Variants in SOX8 observed in about 807,000 individuals in gnomAD.
The protein encoded by SOX8 is transcription factor SOX-8.
SOX8 carries 9 observed loss-of-function variants against 22.9 expected under a neutral mutation model. The observed-to-expected ratio is 0.39, with a 90% CI of 0.24 to 0.69. The LOEUF (loss-of-function observed/expected upper bound fraction) is 0.69, where lower values mean the gene tolerates loss of function less well. Among genes scored for constraint, SOX8 ranks in the 30% least tolerant of loss-of-function variants. The pLI, the probability that SOX8 is intolerant of heterozygous loss-of-function variation, is 0.43. For synonymous variants in SOX8, 416 were observed against 330.6 expected (o/e 1.26, Z -2.80); for missense variants, 734 against 699.4 (o/e 1.05, Z -0.56).
intron 2 of SOX8, among the ~76,000 whole-genome samples, chr16:984,445 G>A (rs943221633): frequency 6.6e-6 from 1 of 152,236 alleles, no homozygotes; most frequent in African/African-American, 2.4e-5. Flanking sequence ...GGCTGGGCCT[G>A]TCGGCTTCTT....
rs529012200 is a variant in SOX8 at position 984,921 on chromosome 16, C to T, written c.876C>T (p.Gly292=). ...VHEFDQYLPL[G]GPAPPEPGQA... is the part of the protein sequence containing the mutation. ...AGTTCGACCAGTACCTGCCCCTGGGCGGCCCCGCCCCACCCGAGCCGGGCC... is the reference window on the plus strand; with the variant it reads ...AGTTCGACCAGTACCTGCCCCTGGGTGGCCCCGCCCCACCCGAGCCGGGCC... The change falls in exon 3 of 3, where the codon GGC becomes GGT. Residue 292 remains glycine (G), a synonymous_variant. Transcript: ENST00000293894. 1.5e-3 allele frequency: 2,399 copies of T among 1,603,732 alleles called. 36 individuals are homozygous for T. The highest frequency in any genetic ancestry group is 2.4e-4 in the Non-Finnish European group (280 of 1,174,842).
At chr16:984,051 G>C (rs1596200402) in intron 2 of SOX8, 91 bp downstream of exon 2, 1 of 1,144,136 alleles carries the variant, frequency 8.7e-7, no homozygotes, top group East Asian at 2.9e-5. Context: ...ATGGTGGAGG[G>C]GGGCAGGCGC....
At position 986,057 on chromosome 16, in the gene SOX8, G is replaced by A. The variant is rs1267835947; in HGVS notation, c.*671G>A. 6.6e-6 allele frequency: 1 copy of A among 152,168 alleles called. No individual in the cohort carries two copies. Among genetic ancestry groups the A allele is most frequent in the Non-Finnish European group, 1.5e-5 (1 of 68,030 alleles). The allele number at this position is 152,168 out of a possible 1,614,324, so 9.4% of individuals were successfully genotyped here. On this transcript the variant is annotated 3_prime_UTR_variant, in exon 3 of 3. Coordinates refer to ENST00000293894, the MANE Select transcript of SOX8 (RefSeq NM_014587.5). ...TGAAAGCTGTTAAAGATGTATTTAT[G>A]TTCTGTGTTATTTTATCTTTAATTA...
rs1596201244 is a variant in SOX8, at chr16:985,125, C to T, written c.1080C>T (p.Ser360=). 3 of 1,599,548 alleles carry T rather than the reference C, an allele frequency of 1.9e-6. No individual in the cohort carries two copies. Among genetic ancestry groups the T allele is most frequent in the Non-Finnish European group, 2.6e-6 (3 of 1,175,886 alleles). The change falls in exon 3 of 3, where the codon TCC becomes TCT. Residue 360 remains serine (S), a synonymous_variant. Coordinates refer to ENST00000293894, the MANE Select transcript of SOX8 (RefSeq NM_014587.5). The part of the protein sequence containing the change: ...DQPRGSPDYG[S]CSGQSSATPA... ...CCCGAGGCTCGCCCGACTACGGTTCCTGCAGCGGCCAGTCCAGCGCCACCC... is the reference window on the plus strand; with the variant it reads ...CCCGAGGCTCGCCCGACTACGGTTCTTGCAGCGGCCAGTCCAGCGCCACCC...
In SOX8 at chr16:984,726, G is replaced by A. The variant is rs778698678; in HGVS notation, c.681G>A (p.Pro227=). Residue 227 remains proline, a synonymous_variant, in exon 3 of 3, where the codon CCG becomes CCA. Transcript: ENST00000293894. ...HTGQTHGPPT[P]PTTPKTELQQ... is the part of the protein sequence containing the mutation. ...GGCAGACCCACGGGCCGCCCACCCC[G>A]CCCACCACCCCCAAGACGGAGCTGC... The A allele has an allele frequency of 2.5e-4, 201 of 796,538 alleles. No individual in the cohort carries two copies. Among genetic ancestry groups the A allele is most frequent in the Non-Finnish European group, 3.5e-4 (180 of 511,044 alleles). The allele number at this position is 796,538 out of a possible 1,614,324, so 49.3% of individuals were successfully genotyped here.
chr16:984,770 C>A lies in SOX8; in HGVS notation c.725C>A (p.Pro242Gln). The A allele has an allele frequency of 1.9e-6, 3 of 1,606,404 alleles. No homozygotes were observed. The highest frequency in any genetic ancestry group is 2.5e-6 in the Non-Finnish European group (3 of 1,177,664). ...KTELQQAGAK[P>Q]ELKLEGRRPV... is the part of the protein sequence containing the mutation. Reference sequence around the variant, plus strand: ...GAGCTGCAGCAGGCGGGCGCCAAGCCGGAGCTGAAGCTGGAGGGACGCCGG... The same window carrying A: ...GAGCTGCAGCAGGCGGGCGCCAAGCAGGAGCTGAAGCTGGAGGGACGCCGG... The change falls in exon 3 of 3, where the codon CCG (proline) becomes CAG (glutamine). Residue 242 changes from proline (P) to glutamine (Q), a missense_variant. Transcript: ENST00000293894.
At chr16:984,254 C>T (rs141832839) in intron 2 of SOX8, among the ~76,000 whole-genome samples, 175 of 152,346 alleles carry the variant, frequency 1.1e-3, no homozygotes, top group African/African-American at 4.1e-3. Flanking sequence ...CTTCCCACAC[C>T]GAGCTGCTGC....
intron 1 of SOX8, 133 bp from the exon 2 acceptor site, chr16:983,595 C>G: frequency 2.7e-6 from 2 of 734,306 alleles, no homozygotes; most frequent in East Asian, 2.8e-5. Context: ...GGCTCCGGAG[C>G]GCACGGCAGG....
chr16:985,422 G>C lies in SOX8; in HGVS notation c.*36G>C, dbSNP rs11542180. 351,290 of 1,470,272 alleles carry C rather than the reference G, an allele frequency of 0.24. 43,831 individuals are homozygous for C. The highest frequency in any genetic ancestry group is 0.36 in the South Asian group (26,740 of 75,160). 91.1% of individuals were successfully genotyped at this position (1,470,272 alleles called of 1,614,324 possible). The stretch of plus-strand genomic sequence containing the variant: ...GCGGGGAGGGACTCGCAGGCGTCAG[G>C]GGGCAGCCTTGTCCCGGCCCAGTGT... On this transcript the variant is annotated 3_prime_UTR_variant, in exon 3 of 3. Transcript: ENST00000293894.
rs1007156256 is a variant in SOX8, at chr16:984,951, C to T, written c.906C>T (p.Ala302=). ...CCGCCCCACCCGAGCCGGGCCAGGC[C>T]TATGGGGGCGCCTACTTCCACGCCG... ...GGPAPPEPGQ[A]YGGAYFHAGA... The change falls in exon 3 of 3, where the codon GCC becomes GCT. Residue 302 remains alanine (A), a synonymous_variant. Transcript: ENST00000293894. 6.2e-7 allele frequency: 1 copy of T among 1,601,560 alleles called. No individual in the cohort carries two copies. Among genetic ancestry groups the T allele is most frequent in the Non-Finnish European group, 8.5e-7 (1 of 1,174,478 alleles).
rs1014498322 is a variant in SOX8 at position 986,046 on chromosome 16, G to T, written c.*660G>T. On this transcript the variant is annotated 3_prime_UTR_variant, in exon 3 of 3. Coordinates refer to ENST00000293894, the MANE Select transcript of SOX8 (RefSeq NM_014587.5). ...TGTGTTTCTTCTGAAAGCTGTTAAA[G>T]ATGTATTTATGTTCTGTGTTATTTT... The T allele has an allele frequency of 2.0e-5, 3 of 152,360 alleles. No homozygotes were observed. The highest frequency in any genetic ancestry group is 2.0e-4 in the Admixed American group (3 of 15,312). 9.4% of individuals were successfully genotyped at this position (152,360 alleles called of 1,614,324 possible). A position where few individuals can be genotyped will look rare whatever the true frequency, so the allele number is the denominator to read the frequency against.
rs768817313 is a variant in SOX8 at position 982,030 on chromosome 16, C to G, written c.108C>G (p.Pro36=). Residue 36 remains proline, a synonymous_variant, in exon 1 of 3, where the codon CCC becomes CCG. Transcript: ENST00000293894. ...EDSDSDAPPS[P]AGSEGLGRAG... ...CGGACTCGGACGCGCCGCCGTCTCC[C>G]GCCGGCTCCGAGGGCCTGGGCCGCG... The G allele has an allele frequency of 5.1e-6, 7 of 1,383,462 alleles. No individual in the cohort carries two copies. The highest frequency in any genetic ancestry group is 6.5e-6 in the Non-Finnish European group (7 of 1,069,400). 85.7% of individuals were successfully genotyped at this position (1,383,462 alleles called of 1,614,324 possible).
At position 986,256 on chromosome 16, in the gene SOX8, C is replaced by G. The variant is rs2073461185; in HGVS notation, c.*870C>G. The G allele has an allele frequency of 6.6e-6, 1 of 152,236 alleles. No individual in the cohort carries two copies. The highest frequency in any genetic ancestry group is 6.5e-5 in the Admixed American group (1 of 15,290). The allele number at this position is 152,236 out of a possible 1,614,324, so 9.4% of individuals were successfully genotyped here. A position where few individuals can be genotyped will look rare whatever the true frequency, so the allele number is the denominator to read the frequency against. On this transcript the variant is annotated 3_prime_UTR_variant, in exon 3 of 3. Coordinates refer to ENST00000293894, the MANE Select transcript of SOX8 (RefSeq NM_014587.5). ...GGAGGTCCCAAGGTCCCTGGGAGGA[C>G]TGGGCCCCTCATGCCTCGAGCTTGG...
rs1463068765 is a variant in SOX8, at chr16:981,817, C to G, written c.-106C>G. 2 of 544,968 alleles carry G rather than the reference C, an allele frequency of 3.7e-6. No individual in the cohort carries two copies. The highest frequency in any genetic ancestry group is 6.1e-5 in the Admixed American group (1 of 16,294). The allele number at this position is 544,968 out of a possible 1,614,324, so 33.8% of individuals were successfully genotyped here. ...CGGCGGCGGCGGCAGGGGCGAGGGT[C>G]GGGGCCACCGCGCGGCGACCTCGGG... is the stretch of plus-strand genomic sequence containing the variant. On this transcript the variant is annotated 5_prime_UTR_variant, in exon 1 of 3. Transcript: ENST00000293894.
At chr16:982,668 T>G in intron 1 of SOX8, 1 of 269,958 alleles carries the variant, frequency 3.7e-6, no homozygotes, top group Non-Finnish European at 7.0e-6. Context: ...CGACGTGCCC[T>G]CCAGCCGTTG....
Position 983,793 on chromosome 16 carries a change from A to T in SOX8, c.488A>T (p.Lys163Met), listed in dbSNP as rs1410536377. 1 of 1,612,740 alleles carries T rather than the reference A, an allele frequency of 6.2e-7. No homozygotes were observed. The highest frequency in any genetic ancestry group is 8.5e-7 in the Non-Finnish European group (1 of 1,179,840). Residue 163 changes from lysine to methionine, a missense_variant, in exon 2 of 3, where the codon AAG becomes ATG. Transcript: ENST00000293894. ...EEAERLRVQH[K>M]KDHPDYKYQP... ...GCAGAGCGCCTTCGCGTGCAGCACA[A>T]GAAGGACCACCCCGACTACAAGTAC...
rs1305158946 is a variant in SOX8, at chr16:984,822, C to G, written c.777C>G (p.Ile259Met). 1.2e-6 allele frequency: 2 copies of G among 1,612,008 alleles called. No individual in the cohort carries two copies. The highest frequency in any genetic ancestry group is 3.3e-5 in the Admixed American group (2 of 59,972). The stretch of plus-strand genomic sequence containing the variant: ...CGGTGGACAGCGGGCGCCAGAACAT[C>G]GACTTCAGCAACGTGGACATCTCGG... The part of the protein sequence containing the change: ...RRPVDSGRQN[I>M]DFSNVDISEL... The change falls in exon 3 of 3, where the codon ATC becomes ATG. Residue 259 changes from isoleucine (I) to methionine (M), a missense_variant. Coordinates refer to ENST00000293894, the MANE Select transcript of SOX8 (RefSeq NM_014587.5).
At position 982,060 on chromosome 16, in the gene SOX8, G is replaced by T; in HGVS notation, c.138G>T (p.Gly46=). ...PAGSEGLGRA[G]VAVGGARGDP... The stretch of plus-strand genomic sequence containing the variant: ...GCTCCGAGGGCCTGGGCCGCGCGGG[G>T]GTCGCGGTGGGGGGCGCCCGGGGCG... Residue 46 remains glycine (G), a synonymous_variant, in exon 1 of 3, where the codon GGG becomes GGT. Coordinates refer to ENST00000293894, the MANE Select transcript of SOX8 (RefSeq NM_014587.5). The T allele has an allele frequency of 1.8e-5, 23 of 1,296,452 alleles. No homozygotes were observed. The highest frequency in any genetic ancestry group is 2.2e-5 in the Non-Finnish European group (23 of 1,031,558). The allele number at this position is 1,296,452 out of a possible 1,614,324, so 80.3% of individuals were successfully genotyped here. A position where few individuals can be genotyped will look rare whatever the true frequency, so the allele number is the denominator to read the frequency against.
chr16:982,617 C>G (rs1232830675), intron 1 of SOX8: 2 of 360,308 alleles, frequency 5.6e-6, no homozygotes, highest in South Asian at 1.4e-4. Context: ...AGCCAGTTCT[C>G]CTGGCGGGGA....
Sources: allele counts gnomAD v4.1 joint callset (sites outside exome capture counted in the v4.1 genomes callset), GRCh38; gene constraint gnomAD v4.1.1; transcripts MANE v1.5; gene names NCBI Gene and HGNC (gene_info 2026-07-23, HGNC 2026-07-21).